TUFM: variants seen among roughly 807,000 people sequenced by gnomAD.
The protein encoded by TUFM is elongation factor Tu, mitochondrial.
In TUFM, 23 loss-of-function variants were observed where a neutral mutation model predicts 45.0. That is an observed-to-expected ratio of 0.51 (90% CI 0.37 to 0.72). The LOEUF (loss-of-function observed/expected upper bound fraction) is 0.72. TUFM is among the 30% of genes least tolerant of loss of function. TUFM has a pLI of 0.00. For missense variants in TUFM, 490 were observed against 610.7 expected (o/e 0.80, Z 2.08); for synonymous variants, 243 against 252.9 (o/e 0.96, Z 0.37).
intron 2 of TUFM, 149 bp downstream of exon 2, chr16:28,845,763 C>T (rs1961933478): frequency 9.8e-7 from 1 of 1,017,734 alleles, no homozygotes; most frequent in African/African-American, 1.6e-5. Context: ...AGAAATTTGT[C>T]TCTTGCATCT....
In TUFM at chr16:28,846,081, C is replaced by A; in HGVS notation, c.78G>T (p.Leu26=). 1 of 1,613,754 alleles carries A rather than the reference C, an allele frequency of 6.2e-7. No individual in the cohort carries two copies. Among genetic ancestry groups the A allele is most frequent in the Non-Finnish European group, 8.5e-7 (1 of 1,179,942 alleles). The part of the protein sequence containing the change: ...FSGLAAGRTF[L]LQGLLRLLKA... ...TCAGCAGCCGCAACAGACCCTGCAG[C>A]AGGAAGGTCCGGCCGGCGGCGAGAC... The change falls in exon 2 of 10, where the codon CTG becomes CTT. Residue 26 remains leucine (L), a synonymous_variant. Coordinates refer to ENST00000313511, the MANE Select transcript of TUFM (RefSeq NM_003321.5).
intron 2 of TUFM, 141 bp downstream of exon 2, chr16:28,845,771 T>A (rs1961933930): frequency 9.3e-7 from 1 of 1,070,084 alleles, no homozygotes; most frequent in African/African-American, 1.6e-5. Flanking sequence ...GTCTCTTGCA[T>A]CTCCCAATCC....
At chr16:28,843,573 A>T (rs987207676) in intron 9 of TUFM, among the ~76,000 whole-genome samples, 163 bp downstream of exon 9, 1 of 151,994 alleles carries the variant, frequency 6.6e-6, no homozygotes, top group South Asian at 2.1e-4. Flanking sequence ...CCCTAAGTCC[A>T]TGGGCCATGC....
rs1961827915 is a variant in TUFM, at chr16:28,842,498, G to A, written c.*477C>T. ...TGTCCAGTCCCTGTTCCCACAGAATGTGAATGGATGCTAGACATTCACTTA... is the reference window on the plus strand; with the variant it reads ...TGTCCAGTCCCTGTTCCCACAGAATATGAATGGATGCTAGACATTCACTTA... On this transcript the variant is annotated 3_prime_UTR_variant, in exon 10 of 10. Coordinates refer to ENST00000313511, the MANE Select transcript of TUFM (RefSeq NM_003321.5). 4.4e-6 allele frequency: 1 copy of A among 229,234 alleles called. No individual in the cohort carries two copies. The highest frequency in any genetic ancestry group is 8.8e-6 in the Non-Finnish European group (1 of 114,078). 14.2% of individuals were successfully genotyped at this position (229,234 alleles called of 1,614,324 possible).
chr16:28,844,629 A>C lies in TUFM; in HGVS notation c.684+69T>G. ...TATCAAGAGCCACTTCCCAGACACA[A>C]AGCAGAGCTCTGGGTGCCCATCCAG... On this transcript the variant is annotated intron_variant, in intron 5 of 9. Transcript: ENST00000313511. This position sits in a 1 kb window ranked among gnomAD's most constrained non-coding sequence, Gnocchi z 5.8. 2 of 1,613,776 alleles carry C rather than the reference A, an allele frequency of 1.2e-6. No homozygotes were observed. Among genetic ancestry groups the C allele is most frequent in the Non-Finnish European group, 1.7e-6 (2 of 1,179,974 alleles).
At position 28,842,884 on chromosome 16, in the gene TUFM, G is replaced by A. The variant is rs1184833141; in HGVS notation, c.*91C>T. ...TCTAGCTGCCCTCTGCTGGGTTGCAGCCTATGCCATGAGAGGGTACTGGAA... is the reference window on the plus strand; with the variant it reads ...TCTAGCTGCCCTCTGCTGGGTTGCAACCTATGCCATGAGAGGGTACTGGAA... On this transcript the variant is annotated 3_prime_UTR_variant, in exon 10 of 10. Transcript: ENST00000313511. 2.6e-6 allele frequency: 4 copies of A among 1,535,716 alleles called. No individual in the cohort carries two copies. In the Admixed American group the frequency reaches 5.0e-5, roughly 19 times the overall value.
rs750730381 is a variant in TUFM at position 28,844,958 on chromosome 16, G to A, written c.512C>T (p.Ala171Val). The change falls in exon 4 of 10, where the codon GCC becomes GTC. Residue 171 changes from alanine to valine, a missense_variant. Coordinates refer to ENST00000313511, the MANE Select transcript of TUFM (RefSeq NM_003321.5). This position sits in a 1 kb window ranked among gnomAD's most constrained non-coding sequence, Gnocchi z 5.8. ...TACCCAGGCTCTGAGTACCTGTCTG[G>A]CCAGTAATAAGTGCTCTCGGGTCTG... ...MPQTREHLLL[A>V]RQIGVEHVVV... 3 of 1,614,034 alleles carry A rather than the reference G, an allele frequency of 1.9e-6. No homozygotes were observed. In the African/African-American group the frequency reaches 4.0e-5, roughly 22 times the overall value.
rs1021555263 is a variant in TUFM at position 28,844,525 on chromosome 16, C to G, written c.711G>C (p.Lys237Asn). Reference protein sequence around the residue: ...LEGRDPELGLKSVQKLLDAVD... With the variant: ...LEGRDPELGLNSVQKLLDAVD... ...CAGCATCCAGTAGCTTCTGCACAGA[C>G]TTCAGGCCTAACTCAGGGTCCCGAC... The change falls in exon 6 of 10, where the codon AAG (lysine) becomes AAC (asparagine). Residue 237 changes from lysine (K) to asparagine (N), a missense_variant. Lys to Asn is a moderately conservative substitution (Grantham distance 94, BLOSUM62 0). Transcript: ENST00000313511. This position sits in a 1 kb window ranked among gnomAD's most constrained non-coding sequence, Gnocchi z 5.8. 1.2e-6 allele frequency: 2 copies of G among 1,613,990 alleles called. No homozygotes were observed. Among genetic ancestry groups the G allele is most frequent in the Non-Finnish European group, 1.7e-6 (2 of 1,180,024 alleles).
At chr16:28,846,172 C>T (rs944874476) in intron 1 of TUFM, 46 bp downstream of exon 1, 2 of 1,598,508 alleles carry the variant, frequency 1.3e-6, no homozygotes, top group Non-Finnish European at 1.7e-6. Flanking sequence ...ACCTACCACT[C>T]CCCCAAAGTG....
rs1961858008 is a variant in TUFM, at chr16:28,843,726, C to T, written c.1194+10G>A. 1 of 1,612,346 alleles carries T rather than the reference C, an allele frequency of 6.2e-7. No individual in the cohort carries two copies. Among genetic ancestry groups the T allele is most frequent in the Non-Finnish European group, 8.5e-7 (1 of 1,179,874 alleles). On this transcript the variant is annotated intron_variant, in intron 9 of 9. Coordinates refer to ENST00000313511, the MANE Select transcript of TUFM (RefSeq NM_003321.5). ...CCCCCTCCACCCTACATTCCTCCCA[C>T]CCACCGTACCTTCTCTGGGGGCAGG...
chr16:28,844,619 C>A lies in TUFM; in HGVS notation c.685-68G>T. 1 of 1,613,590 alleles carries A rather than the reference C, an allele frequency of 6.2e-7. No individual in the cohort carries two copies. The highest frequency in any genetic ancestry group is 2.2e-5 in the East Asian group (1 of 44,886). ...TTCCCTCGATTATCAAGAGCCACTTCCCAGACACAAAGCAGAGCTCTGGGT... is the reference window on the plus strand; with the variant it reads ...TTCCCTCGATTATCAAGAGCCACTTACCAGACACAAAGCAGAGCTCTGGGT... On this transcript the variant is annotated intron_variant, in intron 5 of 9. Transcript: ENST00000313511. This position sits in a 1 kb window ranked among gnomAD's most constrained non-coding sequence, Gnocchi z 5.8.
Position 28,843,900 on chromosome 16 carries a change from G to T in TUFM, c.1075-45C>A, listed in dbSNP as rs200002163. 52 of 1,614,062 alleles carry T rather than the reference G, an allele frequency of 3.2e-5. No homozygotes were observed. The East Asian group carries it at 1.1e-3, about 34-fold the overall frequency. On this transcript the variant is annotated intron_variant, in intron 8 of 9. Coordinates refer to ENST00000313511, the MANE Select transcript of TUFM (RefSeq NM_003321.5). ...GACGGTGAGCTGGGCTTGGCTGGAG[G>T]CTGGGGAGAGCTTGGCTCAACCCTG...
chr16:28,845,239 C>A (rs987188406), intron 3 of TUFM, 75 bp downstream of exon 3: 2 of 1,610,340 alleles, frequency 1.2e-6, no homozygotes, highest in Non-Finnish European at 1.7e-6. Context: ...TCTTAATCTC[C>A]TCCCCACAAG....
At position 28,844,413 on chromosome 16, in the gene TUFM, C is replaced by T; in HGVS notation, c.817+6G>A. 3.7e-6 allele frequency: 6 copies of T among 1,614,216 alleles called. No homozygotes were observed. The highest frequency in any genetic ancestry group is 5.1e-6 in the Non-Finnish European group (6 of 1,180,050). ...GAGAGTGCGTGGGAACAGACAGAGTCCTCACCAGGGACGGAGTACACCGCC... is the reference window on the plus strand; with the variant it reads ...GAGAGTGCGTGGGAACAGACAGAGTTCTCACCAGGGACGGAGTACACCGCC... On this transcript the variant is annotated splice_donor_region_variant and intron_variant, in intron 6 of 9. Coordinates refer to ENST00000313511, the MANE Select transcript of TUFM (RefSeq NM_003321.5). The surrounding 1 kb of genome is among the most constrained non-coding windows in gnomAD (Gnocchi z 5.8).
chr16:28,846,347 G>A lies in TUFM; in HGVS notation c.-78C>T. On this transcript the variant is annotated 5_prime_UTR_variant, in exon 1 of 10. Transcript: ENST00000313511. Reference sequence around the variant, plus strand: ...GAAGAAGGGCGCCTGCGGCTGGAAGGCACTTCCGGCGGAAGTTAGAGCTGG... The same window carrying A: ...GAAGAAGGGCGCCTGCGGCTGGAAGACACTTCCGGCGGAAGTTAGAGCTGG... 6.7e-7 allele frequency: 1 copy of A among 1,492,694 alleles called. No individual in the cohort carries two copies. The highest frequency in any genetic ancestry group is 9.1e-7 in the Non-Finnish European group (1 of 1,102,886). 92.5% of individuals were successfully genotyped at this position (1,492,694 alleles called of 1,614,324 possible). A position where few individuals can be genotyped will look rare whatever the true frequency, so the allele number is the denominator to read the frequency against.
chr16:28,842,891 C>T lies in TUFM; in HGVS notation c.*84G>A. On this transcript the variant is annotated 3_prime_UTR_variant, in exon 10 of 10. Coordinates refer to ENST00000313511, the MANE Select transcript of TUFM (RefSeq NM_003321.5). ...GCCCTCTGCTGGGTTGCAGCCTATG[C>T]CATGAGAGGGTACTGGAAGCAGGAG... is the stretch of plus-strand genomic sequence containing the variant. The T allele has an allele frequency of 9.0e-6, 14 of 1,562,710 alleles. No individual in the cohort carries two copies. The South Asian group carries it at 1.5e-4, about 16-fold the overall frequency.
In TUFM at chr16:28,846,305, A is replaced by C; in HGVS notation, c.-36T>G. 6.5e-7 allele frequency: 1 copy of C among 1,545,682 alleles called. No individual in the cohort carries two copies. Among genetic ancestry groups the C allele is most frequent in the Non-Finnish European group, 8.7e-7 (1 of 1,142,936 alleles). On this transcript the variant is annotated 5_prime_UTR_variant, in exon 1 of 10. Transcript: ENST00000313511. ...CGGTAACCGGGGAGCCGGGACCAGG[A>C]GCCCGAGCGCACAGAAGAAGAAGGG...
intron 9 of TUFM, 39 bp downstream of exon 9, chr16:28,843,697 A>G: frequency 6.2e-7 from 1 of 1,611,464 alleles, no homozygotes; most frequent in Non-Finnish European, 8.5e-7. Context: ...TAATATAAAA[A>G]GTCCCCCCTC....
Position 28,843,134 on chromosome 16 carries a change from G to A in TUFM, c.1209C>T (p.Pro403=), listed in dbSNP as rs749592250. Residue 403 remains proline (P), a synonymous_variant, in exon 10 of 10, where the codon CCC becomes CCT. Transcript: ENST00000313511. ...TTAGGTTGAACTTCAGGTCCTCCCC[G>A]GGCATGGCAAGCTCCTAGAGTAGGA... ...ILPPEKELAM[P]GEDLKFNLIL... is the part of the protein sequence containing the mutation. The A allele has an allele frequency of 2.5e-5, 41 of 1,614,012 alleles. No homozygotes were observed. The highest frequency in any genetic ancestry group is 3.1e-5 in the Non-Finnish European group (37 of 1,180,028).
Sources: gnomAD v4.1 joint callset for allele counts (sites outside exome capture counted in the v4.1 genomes callset) on GRCh38, gnomAD v4.1.1 for gene constraint, Gnocchi (gnomAD v3.1) non-coding constraint, MANE v1.5 for transcripts, NCBI Gene and HGNC (gene_info 2026-07-23, HGNC 2026-07-21) for gene names.